The following SLIT3 variants were observed in gnomAD, a reference collection of about 807,000 sequenced individuals.
The protein encoded by SLIT3 is slit homolog 3 protein.
SLIT3 carries 68 observed loss-of-function variants against 184.0 expected under a neutral mutation model. The ratio of observed to expected loss-of-function variants is 0.37; its 90% CI spans 0.30 to 0.45. SLIT3 has a LOEUF of 0.45. Among genes scored for constraint, SLIT3 ranks in the 20% least tolerant of loss-of-function variants. SLIT3 has a pLI of 1.00. For missense variants in SLIT3, 1,707 were observed against 2,026.0 expected, an observed-to-expected ratio of 0.84 and a Z score of 3.02; for synonymous variants, 831 against 828.6, an observed-to-expected ratio of 1.00 and a Z score of -0.05.
At chr5:168,932,383 CA>C (rs1762016616) in intron 4 of SLIT3, among the ~76,000 whole-genome samples, 6 of 149,210 alleles carry the variant, frequency 4.0e-5, no homozygotes, top group Admixed American at 2.7e-4. Context: ...CACACACACA[CA>C]CACACACTAC....
intron 32 of SLIT3, among the ~76,000 whole-genome samples, chr5:168,679,835 A>T (rs1761527356): frequency 6.6e-6 from 1 of 152,178 alleles, no homozygotes; most frequent in Admixed American, 6.5e-5. Context: ...TTTAAATCCT[A>T]GCTCTGCCAC....
At chr5:168,779,760 C>T (rs965526811) in intron 12 of SLIT3, among the ~76,000 whole-genome samples, 15 of 152,190 alleles carry the variant, frequency 9.9e-5, no homozygotes, top group East Asian at 3.8e-4. Context: ...GCTAGGGGAC[C>T]GGGGCTGGCC....
At chr5:168,903,869 A>G (rs1192736633) in intron 4 of SLIT3, among the ~76,000 whole-genome samples, 1 of 152,230 alleles carries the variant, frequency 6.6e-6, no homozygotes, top group Non-Finnish European at 1.5e-5. Flanking sequence ...GGGCATTTCC[A>G]TAAAACCTTG....
intron 2 of SLIT3, among the ~76,000 whole-genome samples, chr5:169,248,161 C>A (rs1045719266): frequency 3.3e-5 from 5 of 152,148 alleles, no homozygotes; most frequent in Admixed American, 3.3e-4. Flanking sequence ...CTCCTTAAGG[C>A]CCAGGGGACA....
Position 169,226,500 on chromosome 5 carries a change from G to A in SLIT3, c.341+18205C>T, listed in dbSNP as rs10062930. Among the ~76,000 whole-genome samples, 548 of 152,224 alleles carry A rather than the reference G, an allele frequency of 3.6e-3. 2 individuals are homozygous for A. Among genetic ancestry groups the A allele is most frequent in the African/African-American group, 0.011 (476 of 41,518 alleles). On this transcript the variant is annotated intron_variant, in intron 3 of 35. Transcript: ENST00000519560. ...TCCCAGGTAGCAGTCTCTGATCTTC[G>A]GGACTAAAAACAAATTGGGTGCCTT...
chr5:168,907,969 T>G (rs3930361), intron 4 of SLIT3, among the ~76,000 whole-genome samples: 3,076 of 75,972 alleles, frequency 0.04, 58 homozygotes, highest in African/African-American at 0.061. Context: ...TATATATATA[T>G]ATATATATAT....
intron 23 of SLIT3, among the ~76,000 whole-genome samples, chr5:168,719,495 A>G (rs1402883554): frequency 6.6e-6 from 1 of 152,232 alleles, no homozygotes; most frequent in Non-Finnish European, 1.5e-5. Flanking sequence ...ACATATATAC[A>G]AGTTAGGTTT....
At chr5:169,055,533 G>A (rs1276670497) in intron 4 of SLIT3, among the ~76,000 whole-genome samples, 1 of 152,154 alleles carries the variant, frequency 6.6e-6, no homozygotes, top group African/African-American at 2.4e-5. Flanking sequence ...GAGAGAGTTG[G>A]GCAAAGGTAT....
At chr5:169,088,003 T>C (rs541178601) in intron 4 of SLIT3, among the ~76,000 whole-genome samples, 23 of 152,326 alleles carry the variant, frequency 1.5e-4, no homozygotes, top group African/African-American at 4.6e-4. Flanking sequence ...GGGCCACCTA[T>C]AGGCCAGGAC....
intron 4 of SLIT3, among the ~76,000 whole-genome samples, chr5:169,016,433 C>G (rs1196941257): frequency 6.6e-6 from 1 of 152,040 alleles, no homozygotes; most frequent in East Asian, 1.9e-4. Context: ...TTTTTATGAA[C>G]CAGAAAGCCT....
At chr5:168,999,091 G>GT (rs1269659641) in intron 4 of SLIT3, among the ~76,000 whole-genome samples, 2 of 152,040 alleles carry the variant, frequency 1.3e-5, no homozygotes, top group African/African-American at 2.4e-5. Context: ...TTTTAAATTT[G>GT]TTTTTTTAGA....
chr5:169,292,953 T>C (rs1468835117), intron 1 of SLIT3, among the ~76,000 whole-genome samples: 1 of 152,164 alleles, frequency 6.6e-6, no homozygotes, highest in Middle Eastern at 3.2e-3. Context: ...AAAGGTTCTT[T>C]TGAATGCGCT....
chr5:168,997,485 G>T (rs1561597177), intron 4 of SLIT3, among the ~76,000 whole-genome samples: 1 of 152,156 alleles, frequency 6.6e-6, no homozygotes, highest in Non-Finnish European at 1.5e-5. Context: ...AAGGGATGGG[G>T]GTAGAGGGAG....
intron 4 of SLIT3, among the ~76,000 whole-genome samples, chr5:168,965,801 C>T (rs58172923): frequency 0.062 from 9,440 of 152,284 alleles, 342 homozygotes; most frequent in African/African-American, 0.09. Flanking sequence ...GCTCAACAAT[C>T]CCAGTTAGGA....
intron 4 of SLIT3, among the ~76,000 whole-genome samples, chr5:168,974,424 G>A (rs769408434): frequency 6.6e-6 from 1 of 152,232 alleles, no homozygotes; most frequent in African/African-American, 2.4e-5. Context: ...CTTTTAAAAA[G>A]TAAGTTCCTG....
At chr5:168,906,568 C>T (rs1240726654) in intron 4 of SLIT3, among the ~76,000 whole-genome samples, 3 of 152,068 alleles carry the variant, frequency 2.0e-5, no homozygotes, top group Non-Finnish European at 4.4e-5. Context: ...TGCTGAGATC[C>T]CAAACCGTCA....
At chr5:169,118,836 A>G (rs949879195) in intron 4 of SLIT3, among the ~76,000 whole-genome samples, 4 of 152,210 alleles carry the variant, frequency 2.6e-5, no homozygotes, top group Non-Finnish European at 5.9e-5. Context: ...TTCCCTGAGG[A>G]TATACCCCTT....
At chr5:168,954,838 C>A (rs900056180) in intron 4 of SLIT3, among the ~76,000 whole-genome samples, 7 of 152,190 alleles carry the variant, frequency 4.6e-5, no homozygotes, top group African/African-American at 1.7e-4. Context: ...TGAGAGAATG[C>A]AGGTCACAGT....
chr5:168,842,603 C>T (rs1370262883), intron 6 of SLIT3, among the ~76,000 whole-genome samples: 1 of 151,846 alleles, frequency 6.6e-6, no homozygotes, highest in African/African-American at 2.4e-5. Context: ...GAGAGCCCCT[C>T]CTATGTAGTA....
Sources: allele counts gnomAD v4.1 joint callset (sites outside exome capture counted in the v4.1 genomes callset), GRCh38; gene constraint gnomAD v4.1.1; transcripts MANE v1.5; gene names NCBI Gene and HGNC (gene_info 2026-07-23, HGNC 2026-07-21).